Variants in SFTPD observed in about 807,000 individuals in gnomAD.
SFTPD encodes pulmonary surfactant-associated protein D.
A neutral mutation model predicts 34.6 loss-of-function variants in SFTPD; 18 were observed. The ratio of observed to expected loss-of-function variants is 0.52; its 90% CI spans 0.36 to 0.77. The LOEUF is 0.77. SFTPD is among the 30% of genes least tolerant of loss of function. The probability of loss-of-function intolerance (pLI) is 0.00; values close to 1 mark genes in which losing one functional copy is unlikely to be tolerated. For synonymous variants in SFTPD, 155 were observed against 180.9 expected, an observed-to-expected ratio of 0.86 and a Z score of 1.15; for missense variants, 433 against 468.9, an observed-to-expected ratio of 0.92 and a Z score of 0.71.
intron 4 of SFTPD, 123 bp downstream of exon 4, chr10:79,942,265 C>G (rs1031443412): frequency 6.5e-6 from 5 of 766,080 alleles, no homozygotes; most frequent in African/African-American, 1.7e-5. Context: ...GGGTGCATGG[C>G]AAGCCTTTGC....
chr10:79,980,343 T>C (rs1340792305), intron 1 of SFTPD, among the ~76,000 whole-genome samples: 1 of 152,132 alleles, frequency 6.6e-6, no homozygotes, highest in Non-Finnish European at 1.5e-5. Context: ...TCCCAGGCCC[T>C]AGCTCCGAGA....
At chr10:79,973,852 T>G (rs1405982855) in intron 1 of SFTPD, among the ~76,000 whole-genome samples, 1 of 152,166 alleles carries the variant, frequency 6.6e-6, no homozygotes, top group Non-Finnish European at 1.5e-5. Flanking sequence ...CTTCTTGGGA[T>G]GACTCTGGAT....
At chr10:79,940,623 C>A in intron 7 of SFTPD, 82 bp downstream of exon 7, 1 of 912,574 alleles carries the variant, frequency 1.1e-6, no homozygotes, top group Non-Finnish European at 1.8e-6. Flanking sequence ...GGTCTAGCCC[C>A]AGCCAAAGGC....
intron 1 of SFTPD, chr10:79,972,020 G>C (rs1466676063): frequency 6.6e-6 from 1 of 152,136 alleles, no homozygotes; most frequent in African/African-American, 2.4e-5. Context: ...ATTAATTTCA[G>C]ACCCTGTTTG....
intron 1 of SFTPD, among the ~76,000 whole-genome samples, chr10:79,965,672 G>A (rs1330593266): frequency 1.3e-4 from 13 of 103,312 alleles, no homozygotes; most frequent in South Asian, 7.5e-4. Context: ...ATGCTGGTGC[G>A]CTGCACCCAC....
At chr10:79,969,575 T>G (rs181600889) in intron 1 of SFTPD, 157 of 152,320 alleles carry the variant, frequency 1.0e-3, no homozygotes, top group African/African-American at 3.5e-3. Context: ...ATCCTTTGTC[T>G]TTTTTTATAG....
intron 4 of SFTPD, 28 bp from the exon 5 acceptor site, chr10:79,942,098 A>G: frequency 6.6e-7 from 1 of 1,521,286 alleles, no homozygotes; most frequent in Non-Finnish European, 9.1e-7. Flanking sequence ...AGGAACAAAC[A>G]CAGCTAAGAG....
Position 79,942,328 on chromosome 10 carries a change from T to TCATGG in SFTPD, c.433+55_433+59dup. On this transcript the variant is annotated intron_variant, in intron 4 of 7. Coordinates refer to ENST00000372292, the MANE Select transcript of SFTPD (RefSeq NM_003019.5). ...CACTCTGAGCACGCCTCAGGTCATA[T>TCATGG]CATGGACCCTTGTCCTTCCTCCTTT... 3.3e-6 allele frequency: 4 copies of TCATGG among 1,199,252 alleles called. No individual in the cohort carries two copies. In the Middle Eastern group the frequency reaches 7.0e-4, roughly 210 times the overall value. 74.3% of individuals were successfully genotyped at this position (1,199,252 alleles called of 1,614,324 possible).
At chr10:79,948,609 G>A (rs112447220) in intron 1 of SFTPD, among the ~76,000 whole-genome samples, 34 of 152,296 alleles carry the variant, frequency 2.2e-4, no homozygotes, top group African/African-American at 7.7e-4. Context: ...AAGACCTGAA[G>A]CTATGAGAAA....
chr10:79,980,889 G>A (rs1304130229), intron 1 of SFTPD, among the ~76,000 whole-genome samples: 1 of 152,154 alleles, frequency 6.6e-6, no homozygotes, highest in Non-Finnish European at 1.5e-5. Context: ...ACACTGAAAA[G>A]ATTAAATACC....
intron 2 of SFTPD, among the ~76,000 whole-genome samples, chr10:79,945,386 C>A (rs1771149613): frequency 6.6e-6 from 1 of 152,156 alleles, no homozygotes; most frequent in African/African-American, 2.4e-5. Flanking sequence ...AAGGGATAGG[C>A]AGATGCTTAC....
intron 1 of SFTPD, among the ~76,000 whole-genome samples, chr10:79,959,984 G>A (rs1010572812): frequency 9.3e-4 from 142 of 152,172 alleles, no homozygotes; most frequent in Non-Finnish European, 1.6e-3. Context: ...TGCAAGGCTG[G>A]TTCAACATAC....
intron 2 of SFTPD, among the ~76,000 whole-genome samples, chr10:79,943,833 T>G (rs192184129): frequency 4.6e-5 from 7 of 152,326 alleles, no homozygotes; most frequent in Admixed American, 3.9e-4. Flanking sequence ...CAACAGCACA[T>G]TTTCCTCAAG....
At chr10:79,946,427 TC>T (rs1480266346) in intron 2 of SFTPD, 33 bp downstream of exon 2, 1 of 1,507,200 alleles carries the variant, frequency 6.6e-7, no homozygotes, top group Non-Finnish European at 9.2e-7. Flanking sequence ...TGACCATTCC[TC>T]CCCAGCAGGA....
intron 1 of SFTPD, among the ~76,000 whole-genome samples, chr10:79,954,213 A>T (rs1842726752): frequency 6.6e-6 from 1 of 151,896 alleles, no homozygotes; most frequent in African/African-American, 2.4e-5. Context: ...TATTAGATTT[A>T]TTTCATGGTG....
intron 1 of SFTPD, among the ~76,000 whole-genome samples, chr10:79,980,244 G>A (rs1842883368): frequency 6.6e-6 from 1 of 151,400 alleles, no homozygotes; most frequent in Non-Finnish European, 1.5e-5. Flanking sequence ...GAAAGGAAAG[G>A]GAAAAGTAAA....
chr10:79,938,404 A>T (rs1040562009), intron 7 of SFTPD, among the ~76,000 whole-genome samples, 176 bp from the exon 8 acceptor site: 1 of 152,224 alleles, frequency 6.6e-6, no homozygotes, highest in South Asian at 2.1e-4. Flanking sequence ...CCCATGACCT[A>T]CCCTGTGAGG....
At chr10:79,971,875 A>G (rs938830625) in intron 1 of SFTPD, 25 of 152,174 alleles carry the variant, frequency 1.6e-4, no homozygotes, top group Admixed American at 1.4e-3. Flanking sequence ...CTGGATGTCT[A>G]TATCTCTTGC....
At position 79,940,700 on chromosome 10, in the gene SFTPD, C is replaced by T; in HGVS notation, c.751+5G>A. On this transcript the variant is annotated splice_donor_5th_base_variant and intron_variant, in intron 7 of 7. Transcript: ENST00000372292. The stretch of plus-strand genomic sequence containing the variant: ...CTGGGTCCAGGTTCAGATCCAGGAA[C>T]TCACCTTTCTTATACTGAGAGAAAG... The T allele has an allele frequency of 6.3e-7, 1 of 1,583,312 alleles. No individual in the cohort carries two copies.
Sources: gnomAD v4.1 joint callset for allele counts (sites outside exome capture counted in the v4.1 genomes callset) on GRCh38, gnomAD v4.1.1 for gene constraint, MANE v1.5 for transcripts, NCBI Gene and HGNC (gene_info 2026-07-23, HGNC 2026-07-21) for gene names.